Variants in KHDRBS3 observed in about 807,000 individuals in gnomAD.
KHDRBS3 encodes KH domain-containing, RNA-binding, signal transduction-associated protein 3.
Under a neutral mutation model 45.6 loss-of-function variants are expected in KHDRBS3, and 23 were observed. That is an observed-to-expected ratio of 0.50 (90% CI 0.36 to 0.72). The LOEUF (loss-of-function observed/expected upper bound fraction) is 0.72, where lower values mean the gene tolerates loss of function less well. KHDRBS3 is among the 30% of genes least tolerant of loss of function. The probability of loss-of-function intolerance (pLI) is 0.00; values close to 1 mark genes in which losing one functional copy is unlikely to be tolerated. For missense variants in KHDRBS3, 352 were observed against 424.8 expected (o/e 0.83, Z 1.51); for synonymous variants, 162 against 156.5 (o/e 1.04, Z -0.26).
At chr8:135,474,466 C>A (rs774114532) in intron 1 of KHDRBS3, among the ~76,000 whole-genome samples, 1 of 152,180 alleles carries the variant, frequency 6.6e-6, no homozygotes, top group Non-Finnish European at 1.5e-5. Context: ...CTCCTAAACT[C>A]AGGTACTTCT....
intron 1 of KHDRBS3, among the ~76,000 whole-genome samples, chr8:135,499,570 A>C (rs1823629131): frequency 6.6e-6 from 1 of 152,154 alleles, no homozygotes; most frequent in Non-Finnish European, 1.5e-5. Context: ...CTCTTTTTGG[A>C]GATATAAAAT....
rs563028536 is a variant in KHDRBS3 at position 135,652,926 on chromosome 8, T to G, written c.*118-3300T>G. Among the ~76,000 whole-genome samples, 7 of 152,342 alleles carry G rather than the reference T, an allele frequency of 4.6e-5. No individual in the cohort carries two copies. The South Asian group carries it at 6.2e-4, about 14-fold the overall frequency. ...AAAGTGGATGTGGTAGCTCAGTGGC[T>G]GATAGTACAGGACAATGTACTAGGT... On this transcript the variant is annotated intron_variant and NMD_transcript_variant, in intron 4 of 4. Coordinates refer to the KHDRBS3 transcript ENST00000521461.
At chr8:135,592,529 G>T (rs1030391701) in intron 6 of KHDRBS3, among the ~76,000 whole-genome samples, 16 of 152,252 alleles carry the variant, frequency 1.1e-4, no homozygotes, top group African/African-American at 3.6e-4. Flanking sequence ...AACCTGCCAT[G>T]TTTGTTTTAC....
At chr8:135,528,791 G>A (rs1308218949) in intron 2 of KHDRBS3, among the ~76,000 whole-genome samples, 3 of 152,130 alleles carry the variant, frequency 2.0e-5, no homozygotes, top group Non-Finnish European at 1.5e-5. Context: ...AGTAGTATGC[G>A]GAAGAGCAAA....
chr8:135,647,225 T>C lies in KHDRBS3; in HGVS notation c.*141T>C, dbSNP rs1831328683. Reference sequence around the variant, plus strand: ...ATGGATGGAACTTAAAACTACTTTGTTGAAACATCAACCTGGGCAGAAAAA... The same window carrying C: ...ATGGATGGAACTTAAAACTACTTTGCTGAAACATCAACCTGGGCAGAAAAA... On this transcript the variant is annotated 3_prime_UTR_variant, in exon 9 of 9. Coordinates refer to ENST00000355849, the MANE Select transcript of KHDRBS3 (RefSeq NM_006558.3). 9.1e-6 allele frequency: 3 copies of C among 328,456 alleles called. No homozygotes were observed. The highest frequency in any genetic ancestry group is 1.7e-5 in the Non-Finnish European group (3 of 180,932). The allele number at this position is 328,456 out of a possible 1,614,324, so 20.3% of individuals were successfully genotyped here.
intron 7 of KHDRBS3, among the ~76,000 whole-genome samples, chr8:135,637,101 C>G (rs192067327): frequency 6.6e-6 from 1 of 152,244 alleles, no homozygotes; most frequent in Admixed American, 6.5e-5. Flanking sequence ...AATTCTGGAG[C>G]ATATTATTCA....
intron 6 of KHDRBS3, among the ~76,000 whole-genome samples, chr8:135,592,271 G>A (rs546810228): frequency 3.4e-4 from 52 of 150,972 alleles, no homozygotes; most frequent in Non-Finnish European, 6.9e-4. Flanking sequence ...TTCTTCCTAC[G>A]TTAAAACAAC....
At chr8:135,494,090 A>G (rs1823292274) in intron 1 of KHDRBS3, among the ~76,000 whole-genome samples, 1 of 151,998 alleles carries the variant, frequency 6.6e-6, no homozygotes, top group African/African-American at 2.4e-5. Flanking sequence ...TGGTGGTGTC[A>G]GTGTTATTCC....
chr8:135,634,630 T>C (rs187387507), intron 7 of KHDRBS3, among the ~76,000 whole-genome samples: 7 of 152,342 alleles, frequency 4.6e-5, no homozygotes, highest in Admixed American at 1.3e-4. Context: ...GCTATTCCCA[T>C]GTTAAAACTG....
chr8:135,586,263 A>T (rs1398791109), intron 6 of KHDRBS3, among the ~76,000 whole-genome samples: 1 of 152,144 alleles, frequency 6.6e-6, no homozygotes, highest in Non-Finnish European at 1.5e-5. Flanking sequence ...GAAGGAGCAG[A>T]TTCAGGATTC....
intron 5 of KHDRBS3, among the ~76,000 whole-genome samples, chr8:135,572,432 A>G (rs1175097938): frequency 6.6e-6 from 1 of 152,222 alleles, no homozygotes; most frequent in Non-Finnish European, 1.5e-5. Context: ...TTTATACTCT[A>G]TACAATGTAG....
At chr8:135,500,545 A>G (rs1170774249) in intron 1 of KHDRBS3, among the ~76,000 whole-genome samples, 2 of 152,176 alleles carry the variant, frequency 1.3e-5, no homozygotes, top group Admixed American at 1.3e-4. Context: ...GCTCTTAACT[A>G]TGGGCCTTGG....
intron 5 of KHDRBS3, among the ~76,000 whole-genome samples, chr8:135,559,155 T>A (rs17265400): frequency 0.014 from 2,108 of 151,848 alleles, 38 homozygotes; most frequent in African/African-American, 0.048. Context: ...TGTAACTAGA[T>A]AAGGTAACCT....
chr8:135,484,164 T>C (rs531056841), intron 1 of KHDRBS3, among the ~76,000 whole-genome samples: 23 of 152,242 alleles, frequency 1.5e-4, no homozygotes, highest in African/African-American at 5.3e-4. Flanking sequence ...ATGTAAAGCA[T>C]TGAGAAATAA....
At chr8:135,496,735 G>A (rs1823469731) in intron 1 of KHDRBS3, among the ~76,000 whole-genome samples, 1 of 152,186 alleles carries the variant, frequency 6.6e-6, no homozygotes, top group Admixed American at 6.5e-5. Flanking sequence ...AAAACAGTGT[G>A]GTGTTAACCC....
intron 5 of KHDRBS3, among the ~76,000 whole-genome samples, chr8:135,562,942 GC>G (rs1262977126): frequency 6.6e-6 from 1 of 152,084 alleles, no homozygotes; most frequent in African/African-American, 2.4e-5. Context: ...ATCTTCAATG[GC>G]ATTCTTGTTT....
At chr8:135,482,250 AG>A (rs1453166759) in intron 1 of KHDRBS3, among the ~76,000 whole-genome samples, 8 of 152,332 alleles carry the variant, frequency 5.3e-5, no homozygotes, top group African/African-American at 1.9e-4. Flanking sequence ...AACTTATTAT[AG>A]TGGCTAAAGT....
intron 2 of KHDRBS3, among the ~76,000 whole-genome samples, chr8:135,522,340 A>C (rs1328429634): frequency 6.6e-6 from 1 of 152,170 alleles, no homozygotes; most frequent in Non-Finnish European, 1.5e-5. Context: ...TTCTTTATCC[A>C]GCCTGTCATT....
intron 7 of KHDRBS3, among the ~76,000 whole-genome samples, chr8:135,643,348 A>T (rs768215653): frequency 2.0e-5 from 3 of 152,154 alleles, no homozygotes; most frequent in Non-Finnish European, 4.4e-5. Context: ...CCTTCTCCGT[A>T]TACCCACTTA....
Sources: gnomAD v4.1 joint callset for allele counts (sites outside exome capture counted in the v4.1 genomes callset) on GRCh38, gnomAD v4.1.1 for gene constraint, MANE v1.5 for transcripts, NCBI Gene and HGNC (gene_info 2026-07-23, HGNC 2026-07-21) for gene names.